PTPRD: variants seen among roughly 807,000 people sequenced by gnomAD.
The protein encoded by PTPRD is protein tyrosine phosphatase receptor type D, also known as receptor-type tyrosine-protein phosphatase delta.
A neutral mutation model predicts 214.5 loss-of-function variants in PTPRD; 34 were observed. That is an observed-to-expected ratio of 0.16 (90% confidence interval 0.12 to 0.21). The LOEUF (loss-of-function observed/expected upper bound fraction) is 0.21. PTPRD is among the 10% of genes least tolerant of loss of function. The pLI, the probability that PTPRD is intolerant of heterozygous loss-of-function variation, is 1.00. For missense variants in PTPRD, 2,545 were observed against 2,398.7 expected, an observed-to-expected ratio of 1.06 and a Z score of -1.27; for synonymous variants, 1,128 against 845.7, an observed-to-expected ratio of 1.33 and a Z score of -5.79.
At chr9:10,485,178 T>G (rs563236774) in intron 2 of PTPRD, among the ~76,000 whole-genome samples, 4 of 152,242 alleles carry the variant, frequency 2.6e-5, no homozygotes, top group African/African-American at 7.2e-5. Context: ...ACTGCAGGTA[T>G]GTAAACTTCT....
intron 5 of PTPRD, among the ~76,000 whole-genome samples, chr9:9,915,432 T>A (rs894706678): frequency 4.0e-5 from 6 of 150,502 alleles, no homozygotes; most frequent in Non-Finnish European, 8.9e-5. Context: ...AAATAATAAA[T>A]CTTAAGGAAA....
chr9:9,256,273 T>C (rs1397592961), intron 9 of PTPRD, among the ~76,000 whole-genome samples: 1 of 151,982 alleles, frequency 6.6e-6, no homozygotes, highest in Non-Finnish European at 1.5e-5. Context: ...TTAGCCTCTG[T>C]GGTTGAAAAA....
intron 35 of PTPRD, among the ~76,000 whole-genome samples, chr9:8,408,708 A>C (rs1020930018): frequency 6.6e-6 from 1 of 152,156 alleles, no homozygotes; most frequent in African/African-American, 2.4e-5. Flanking sequence ...CTAAAGTTTT[A>C]CCAAGATGCC....
At chr9:9,257,157 TG>T (rs1185448768) in intron 9 of PTPRD, among the ~76,000 whole-genome samples, 1 of 151,896 alleles carries the variant, frequency 6.6e-6, no homozygotes, top group Non-Finnish European at 1.5e-5. Flanking sequence ...TCCTCTTTTG[TG>T]GGGGGTAGAA....
intron 8 of PTPRD, among the ~76,000 whole-genome samples, chr9:9,510,690 A>G (rs1274732201): frequency 2.0e-5 from 3 of 150,142 alleles, no homozygotes; most frequent in Admixed American, 6.7e-5. Flanking sequence ...CTTTCTTTCC[A>G]TTGGCTCTGC....
At chr9:9,962,782 C>T (rs921375690) in intron 4 of PTPRD, among the ~76,000 whole-genome samples, 3 of 152,008 alleles carry the variant, frequency 2.0e-5, no homozygotes, top group African/African-American at 7.2e-5. Context: ...CATATTTATA[C>T]ATCTGACTTA....
intron 4 of PTPRD, among the ~76,000 whole-genome samples, chr9:10,010,238 G>C (rs1310568161): frequency 6.6e-6 from 1 of 151,804 alleles, no homozygotes; most frequent in East Asian, 1.9e-4. Flanking sequence ...CATGACCTCA[G>C]GGCAAAGAGA....
At chr9:8,648,388 A>C (rs2096737974) in intron 12 of PTPRD, among the ~76,000 whole-genome samples, 2 of 152,196 alleles carry the variant, frequency 1.3e-5, no homozygotes, top group South Asian at 4.1e-4. Context: ...AGACACTCAA[A>C]ATAACCACTG....
At chr9:8,390,492 G>C (rs1273243785) in intron 36 of PTPRD, among the ~76,000 whole-genome samples, 1 of 152,106 alleles carries the variant, frequency 6.6e-6, no homozygotes, top group Non-Finnish European at 1.5e-5. Flanking sequence ...GAACTCCCTT[G>C]ACAGCCCTTT....
At chr9:10,449,413 C>T (rs2098822574) in intron 2 of PTPRD, among the ~76,000 whole-genome samples, 1 of 151,830 alleles carries the variant, frequency 6.6e-6, no homozygotes, top group African/African-American at 2.4e-5. Flanking sequence ...CAGCCGCCTG[C>T]CTTGGCCTCC....
intron 2 of PTPRD, among the ~76,000 whole-genome samples, chr9:10,538,291 TAAATAAAA>T (rs1272881303): frequency 4.4e-5 from 5 of 113,926 alleles, no homozygotes; most frequent in Non-Finnish European, 9.3e-5. Flanking sequence ...AATAAATAAA[TAAATAAAA>T]AGGGAGAGGA....
chr9:9,417,031 G>T (rs963955348), intron 8 of PTPRD, among the ~76,000 whole-genome samples: 1 of 152,038 alleles, frequency 6.6e-6, no homozygotes, highest in Admixed American at 6.6e-5. Flanking sequence ...ATAAACCAAT[G>T]AACAAAAACC....
intron 12 of PTPRD, among the ~76,000 whole-genome samples, chr9:8,716,421 A>G (rs572589124): frequency 1.3e-5 from 2 of 152,262 alleles, no homozygotes; most frequent in Non-Finnish European, 2.9e-5. Flanking sequence ...CACTTTACAC[A>G]AACAGAATCA....
At chr9:9,202,509 C>A (rs1258159923) in intron 9 of PTPRD, among the ~76,000 whole-genome samples, 1 of 152,014 alleles carries the variant, frequency 6.6e-6, no homozygotes, top group Non-Finnish European at 1.5e-5. Context: ...GTTATTAGAT[C>A]CAGATGTTGA....
intron 6 of PTPRD, among the ~76,000 whole-genome samples, chr9:9,763,442 T>C: frequency 6.8e-6 from 1 of 146,320 alleles, no homozygotes; most frequent in South Asian, 2.2e-4. Context: ...ATTTCACAAT[T>C]TGTCCTGTTT....
At chr9:8,617,778 C>G (rs2095661231) in intron 14 of PTPRD, among the ~76,000 whole-genome samples, 1 of 151,988 alleles carries the variant, frequency 6.6e-6, no homozygotes, top group Admixed American at 6.6e-5. Context: ...TATATATGTA[C>G]ATAAAAGGGT....
chr9:8,650,725 A>G (rs528561789), intron 12 of PTPRD, among the ~76,000 whole-genome samples: 2 of 152,312 alleles, frequency 1.3e-5, no homozygotes, highest in African/African-American at 4.8e-5. Context: ...TTCTAAGTTT[A>G]TAAGGTTCAT....
At chr9:9,663,299 AT>A (rs897241799) in intron 7 of PTPRD, among the ~76,000 whole-genome samples, 6 of 151,534 alleles carry the variant, frequency 4.0e-5, no homozygotes, top group African/African-American at 1.4e-4. Context: ...GAAGTAAAAA[AT>A]AACCATTGTA....
At chr9:10,151,245 T>A (rs2099058928) in intron 3 of PTPRD, among the ~76,000 whole-genome samples, 1 of 128,258 alleles carries the variant, frequency 7.8e-6, no homozygotes, top group Non-Finnish European at 1.6e-5. Flanking sequence ...ATTTCTAGAC[T>A]TTTTTGTTAA....
Sources: allele counts gnomAD v4.1 joint callset (sites outside exome capture counted in the v4.1 genomes callset), GRCh38; gene constraint gnomAD v4.1.1; transcripts MANE v1.5; gene names NCBI Gene and HGNC (gene_info 2026-07-23, HGNC 2026-07-21).